The following CD99L2 variants were observed in gnomAD, a reference collection of about 807,000 sequenced individuals.
CD99L2 encodes CD99 molecule like 2, also known as CD99 antigen-like protein 2.
A neutral mutation model predicts 27.3 loss-of-function variants in CD99L2; 24 were observed. The observed-to-expected ratio is 0.88, with a 90% CI of 0.64 to 1.24. CD99L2 has a LOEUF of 1.24. CD99L2 is among the 50% of genes most tolerant of loss of function. The pLI is 0.00. For synonymous variants in CD99L2, 97 were observed against 87.9 expected (o/e 1.10, Z -0.58); for missense variants, 255 against 221.6 (o/e 1.15, Z -0.96).
intron 7 of CD99L2, 32 bp downstream of exon 7, chrX:150,793,659 A>T: frequency 8.9e-7 from 1 of 1,125,847 alleles, no homozygotes; most frequent in South Asian, 2.1e-5. Context: ...CACCAGAATA[A>T]GGGTTGTGTT....
intron 4 of CD99L2, among the ~76,000 whole-genome samples, chrX:150,801,967 G>A (rs7062651): frequency 0.026 from 2,897 of 112,038 alleles, 31 homozygotes; most frequent in Non-Finnish European, 0.041. Flanking sequence ...GTGAAAGACT[G>A]AATGCTCTTT....
chrX:150,883,356 G>A (rs1170832901), intron 1 of CD99L2, among the ~76,000 whole-genome samples: 14 of 111,567 alleles, frequency 1.3e-4, no homozygotes, highest in African/African-American at 4.2e-4. Flanking sequence ...ATCTTCCAAG[G>A]CAGGCAAAGG....
At chrX:150,893,445 T>C (rs1024703794) in intron 1 of CD99L2, among the ~76,000 whole-genome samples, 50 of 108,820 alleles carry the variant, frequency 4.6e-4, no homozygotes, top group African/African-American at 1.7e-3. Flanking sequence ...AGTCAGCCCA[T>C]GAGGCTTCTG....
chrX:150,790,053 A>C (rs1557419678), intron 7 of CD99L2, among the ~76,000 whole-genome samples: 1 of 111,501 alleles, frequency 9.0e-6, no homozygotes, highest in East Asian at 2.8e-4. Flanking sequence ...ACATGAAAAA[A>C]CTTTAAATGC....
At position 150,837,308 on chromosome X, in the gene CD99L2, G is replaced by A. The variant is rs376135458; in HGVS notation, c.68-6015C>T. ...CTTGTCAGCCAGGCTAGAGTGCAAT[G>A]GCACAATCTTGGCTCACTGCAACCT... On this transcript the variant is annotated intron_variant, in intron 1 of 10. Coordinates refer to ENST00000370377, the MANE Select transcript of CD99L2 (RefSeq NM_031462.4). Among the ~76,000 whole-genome samples the A allele has an allele frequency of 1.5e-4, 16 of 109,617 alleles. No individual in the cohort carries two copies. In the East Asian group the frequency reaches 3.7e-3, roughly 25 times the overall value.
rs996993026 is a variant in CD99L2, at chrX:150,885,848, T to C, written c.67+12674A>G. Among the ~76,000 whole-genome samples, 38 of 112,545 alleles carry C rather than the reference T, an allele frequency of 3.4e-4. No homozygotes were observed. The Admixed American group carries it at 3.5e-3, about 10-fold the overall frequency. On this transcript the variant is annotated intron_variant, in intron 1 of 10. Transcript: ENST00000370377. ...TGGCTCATTTTGCTGTTTATTCTTT[T>C]TCACTGGTTCGCAGAAAATCATTAA...
intron 1 of CD99L2, among the ~76,000 whole-genome samples, chrX:150,887,481 T>A (rs1396389561): frequency 1.9e-5 from 2 of 107,184 alleles, no homozygotes; most frequent in Non-Finnish European, 3.9e-5. Context: ...AATAAATAAA[T>A]AAATAAAATA....
At chrX:150,856,473 T>C (rs1569566089) in intron 1 of CD99L2, among the ~76,000 whole-genome samples, 1 of 110,770 alleles carries the variant, frequency 9.0e-6, no homozygotes, top group Non-Finnish European at 1.9e-5. Flanking sequence ...CAGAGGAGGC[T>C]TTCCTCATCT....
chrX:150,876,124 C>A (rs2047225115), intron 1 of CD99L2, among the ~76,000 whole-genome samples: 1 of 111,849 alleles, frequency 8.9e-6, no homozygotes, highest in South Asian at 3.7e-4. Flanking sequence ...CAGTGTTTGG[C>A]AATTAGGAAT....
chrX:150,772,226 C>A (rs2043470002), intron 9 of CD99L2, among the ~76,000 whole-genome samples: 1 of 112,933 alleles, frequency 8.9e-6, no homozygotes, highest in African/African-American at 3.2e-5. Flanking sequence ...GCAGCCCCGC[C>A]ACGGAATGGA....
chrX:150,821,212 C>T (rs372771941), intron 2 of CD99L2, among the ~76,000 whole-genome samples: 4 of 111,621 alleles, frequency 3.6e-5, no homozygotes, highest in Non-Finnish European at 5.7e-5. Flanking sequence ...ATAGCCAAAT[C>T]GATCTTTAAA....
intron 4 of CD99L2, among the ~76,000 whole-genome samples, chrX:150,813,412 A>C (rs1375103027): frequency 8.9e-6 from 1 of 112,025 alleles, no homozygotes; most frequent in African/African-American, 3.2e-5. Flanking sequence ...TCTAAAAATG[A>C]AAGTTTAAAT....
chrX:150,790,645 A>G (rs1441766316), intron 7 of CD99L2, among the ~76,000 whole-genome samples: 3 of 111,617 alleles, frequency 2.7e-5, no homozygotes, highest in Non-Finnish European at 3.8e-5. Context: ...GTATACCTGA[A>G]TTGAGTAAGA....
intron 1 of CD99L2, among the ~76,000 whole-genome samples, chrX:150,878,405 T>C (rs1557422388): frequency 9.3e-6 from 1 of 107,961 alleles, no homozygotes; most frequent in Non-Finnish European, 1.9e-5. Flanking sequence ...GAATATATAC[T>C]ACAGAGCACT....
chrX:150,777,281 CT>C, intron 8 of CD99L2, 162 bp downstream of exon 8: 1 of 596,398 alleles, frequency 1.7e-6, no homozygotes, highest in Non-Finnish European at 2.6e-6. Flanking sequence ...AGGCGTGCAG[CT>C]TTTTCCATCT....
At chrX:150,813,214 GAC>G (rs1370065717) in intron 4 of CD99L2, among the ~76,000 whole-genome samples, 7 of 111,157 alleles carry the variant, frequency 6.3e-5, no homozygotes, top group Admixed American at 4.8e-4. Flanking sequence ...TTGCAGAGAA[GAC>G]ACACACACAT....
Position 150,776,262 on chromosome X carries a change from C to T in CD99L2, c.567G>A (p.Gly189=). The change falls in exon 9 of 11, where the codon GGG becomes GGA. Residue 189 remains glycine (G), a synonymous_variant. Coordinates refer to ENST00000370377, the MANE Select transcript of CD99L2 (RefSeq NM_031462.4). ...GMVAEPGTIA[G]VASALAMALI... ...GGGCCATGGCCAGGGCGCTGGCCAC[C>T]CCGGCAATGGTGCCAGGCTCTGCCA... is the stretch of plus-strand genomic sequence containing the variant. 8.3e-7 allele frequency: 1 copy of T among 1,210,014 alleles called. No homozygotes were observed.
At chrX:150,894,831 T>C (rs782561842) in intron 1 of CD99L2, among the ~76,000 whole-genome samples, 244 of 110,736 alleles carry the variant, frequency 2.2e-3, no homozygotes, top group Middle Eastern at 4.6e-3. Flanking sequence ...TCAAGTAATC[T>C]GGCCACCTCA....
At position 150,849,836 on chromosome X, in the gene CD99L2, C is replaced by G. The variant is rs782333670; in HGVS notation, c.68-18543G>C. Reference sequence around the variant, plus strand: ...AATCTTCCAAGTGAGTAAGAACCCACTGATTCCTGCATCTGTAGAAAATGG... The same window carrying G: ...AATCTTCCAAGTGAGTAAGAACCCAGTGATTCCTGCATCTGTAGAAAATGG... On this transcript the variant is annotated intron_variant, in intron 1 of 10. Transcript: ENST00000370377. Among the ~76,000 whole-genome samples, 11 of 111,967 alleles carry G rather than the reference C, an allele frequency of 9.8e-5. No homozygotes were observed. In the South Asian group the frequency reaches 4.1e-3, roughly 42 times the overall value.
Sources: allele counts gnomAD v4.1 joint callset (sites outside exome capture counted in the v4.1 genomes callset), GRCh38; gene constraint gnomAD v4.1.1; transcripts MANE v1.5; gene names NCBI Gene and HGNC (gene_info 2026-07-23, HGNC 2026-07-21).